DRC3: variants seen among roughly 807,000 people sequenced by gnomAD.
The protein encoded by DRC3 is dynein regulatory complex subunit 3.
A neutral mutation model predicts 57.6 loss-of-function variants in DRC3; 45 were observed. The observed-to-expected ratio is 0.78, with a 90% CI of 0.62 to 1.00. The LOEUF (loss-of-function observed/expected upper bound fraction) is 1.00, where lower values mean the gene tolerates loss of function less well. DRC3 is among the 50% of genes least tolerant of loss of function. The probability of loss-of-function intolerance (pLI) is 0.00; values close to 1 mark genes in which losing one functional copy is unlikely to be tolerated. For missense variants in DRC3, 655 were observed against 675.2 expected, an observed-to-expected ratio of 0.97 and a Z score of 0.33; for synonymous variants, 257 against 272.3, an observed-to-expected ratio of 0.94 and a Z score of 0.55.
chr17:18,006,512 C>T (rs1029936915), intron 11 of DRC3: 8 of 549,058 alleles, frequency 1.5e-5, no homozygotes, highest in Admixed American at 3.1e-5. Flanking sequence ...CAGGCAAGCA[C>T]ACTCTGGGGT....
At chr17:17,975,317 T>G (rs965507139) in intron 2 of DRC3, among the ~76,000 whole-genome samples, 1 of 151,716 alleles carries the variant, frequency 6.6e-6, no homozygotes, top group African/African-American at 2.4e-5. Context: ...GTTCAAGCGA[T>G]TCTCCTGCCT....
At chr17:18,000,823 G>A (rs1226109276) in intron 9 of DRC3, among the ~76,000 whole-genome samples, 1 of 152,048 alleles carries the variant, frequency 6.6e-6, no homozygotes, top group Non-Finnish European at 1.5e-5. Context: ...TTTTTATTCT[G>A]TGAATTATTT....
At chr17:17,973,065 G>T (rs1176819411) in intron 1 of DRC3, 91 bp downstream of exon 1, 1 of 151,720 alleles carries the variant, frequency 6.6e-6, no homozygotes, top group Non-Finnish European at 1.5e-5. Flanking sequence ...CTCGGAGAAC[G>T]CCGGCCCGGC....
In DRC3 at chr17:17,987,912, C is replaced by T. The variant is rs533250677; in HGVS notation, c.278-20C>T. On this transcript the variant is annotated intron_variant, in intron 4 of 13. Transcript: ENST00000399187. ...CCCTGACCCAGGCAGCAGACCCTCA[C>T]AGCCCTCTCTTCTTCCCAGATCTGT... 2.0e-5 allele frequency: 33 copies of T among 1,611,864 alleles called. No homozygotes were observed. The South Asian group carries it at 3.2e-4, about 16-fold the overall frequency.
chr17:17,994,218 A>G, intron 6 of DRC3, 81 bp from the exon 7 acceptor site: 2 of 1,523,212 alleles, frequency 1.3e-6, no homozygotes, highest in Admixed American at 2.0e-5. Flanking sequence ...GGGAGGCTGC[A>G]GCATGGCAGA....
Position 18,016,765 on chromosome 17 carries a change from T to G in DRC3, c.*94T>G. On this transcript the variant is annotated 3_prime_UTR_variant, in exon 14 of 14. Transcript: ENST00000399187. ...CGCCTCACCCGCACCTCTAGAGAGT[T>G]GCTGGGCATCTCTCAACCGCGATCC... 1.4e-6 allele frequency: 1 copy of G among 704,482 alleles called. No individual in the cohort carries two copies. The highest frequency in any genetic ancestry group is 2.4e-6 in the Non-Finnish European group (1 of 419,794). The allele number at this position is 704,482 out of a possible 1,614,324, so 43.6% of individuals were successfully genotyped here.
intron 1 of DRC3, 173 bp downstream of exon 1, chr17:17,973,147 A>C: frequency 6.6e-6 from 1 of 151,424 alleles, no homozygotes; most frequent in Non-Finnish European, 1.5e-5. Flanking sequence ...CAGCCAAGAC[A>C]CTTTAGTCCT....
At chr17:17,990,453 A>G (rs2043176777) in intron 5 of DRC3, among the ~76,000 whole-genome samples, 1 of 152,200 alleles carries the variant, frequency 6.6e-6, no homozygotes, top group African/African-American at 2.4e-5. Flanking sequence ...GCCTTTGCTC[A>G]GTGCCTGGCA....
chr17:18,016,292 T>C, intron 13 of DRC3, 97 bp downstream of exon 13: 1 of 1,296,822 alleles, frequency 7.7e-7, no homozygotes, highest in Non-Finnish European at 1.1e-6. Flanking sequence ...CATTAAGGAA[T>C]GAAATGAAGG....
In DRC3 at chr17:18,008,210, T is replaced by A. The variant is rs1277128500; in HGVS notation, c.1326+1063T>A. On this transcript the variant is annotated intron_variant, in intron 12 of 13. Coordinates refer to ENST00000399187, the MANE Select transcript of DRC3 (RefSeq NM_031294.4). The surrounding 1 kb of genome is among the most constrained non-coding windows in gnomAD (Gnocchi z 4.3). Reference sequence around the variant, plus strand: ...CAGACACGCTCTTCCTAGGTCCCCATGTGCCTGGCTTGTCCTTGTCATTCA... The same window carrying A: ...CAGACACGCTCTTCCTAGGTCCCCAAGTGCCTGGCTTGTCCTTGTCATTCA... Among the ~76,000 whole-genome samples the A allele has an allele frequency of 2.0e-5, 3 of 152,206 alleles. No individual in the cohort carries two copies. The highest frequency in any genetic ancestry group is 4.4e-5 in the Non-Finnish European group (3 of 68,038).
At chr17:17,996,405 A>C (rs1256704569) in intron 8 of DRC3, among the ~76,000 whole-genome samples, 1 of 152,236 alleles carries the variant, frequency 6.6e-6, no homozygotes, top group Non-Finnish European at 1.5e-5. Flanking sequence ...GTCACATCTT[A>C]CATGGGCAGT....
At chr17:17,992,121 A>G in intron 5 of DRC3, among the ~76,000 whole-genome samples, 1 of 151,918 alleles carries the variant, frequency 6.6e-6, no homozygotes, top group East Asian at 1.9e-4. Flanking sequence ...CTACAAACAC[A>G]AAAATTAGCC....
chr17:18,001,502 C>CA lies in DRC3; in HGVS notation c.1000-2854dup, dbSNP rs566467543. On this transcript the variant is annotated intron_variant, in intron 9 of 13. Transcript: ENST00000399187. ...TGGGCAATAGAGTGAGAGTCTGTCT[C>CA]AAAAAAAGAAAAAAAATGTTATTAC... 5.0e-4 allele frequency among the ~76,000 whole-genome samples: 76 copies of CA among 151,076 alleles called. 1 individual carries two copies. In the East Asian group the frequency reaches 0.013, roughly 25 times the overall value.
chr17:18,000,935 C>T (rs2043704131), intron 9 of DRC3, among the ~76,000 whole-genome samples: 1 of 152,054 alleles, frequency 6.6e-6, no homozygotes, highest in African/African-American at 2.4e-5. Flanking sequence ...GGGTCTAACT[C>T]CATTGCCCAG....
chr17:17,997,404 G>A (rs188355409), intron 8 of DRC3, 56 bp from the exon 9 acceptor site: 321 of 1,567,872 alleles, frequency 2.0e-4, no homozygotes, highest in Non-Finnish European at 2.5e-4. Flanking sequence ...CACCTTGGCC[G>A]TGCCCTCCGC....
intron 4 of DRC3, among the ~76,000 whole-genome samples, chr17:17,986,782 GT>G (rs1174669863): frequency 1.3e-5 from 2 of 151,202 alleles, no homozygotes; most frequent in Non-Finnish European, 2.9e-5. Context: ...CCTTTTAAAT[GT>G]GATCACCCTG....
chr17:17,998,067 A>C (rs1054239252), intron 9 of DRC3, among the ~76,000 whole-genome samples: 4 of 152,182 alleles, frequency 2.6e-5, no homozygotes, highest in African/African-American at 9.7e-5. Context: ...CTAGAGCCAC[A>C]CTGGACATGG....
At chr17:17,989,229 A>G (rs369574273) in intron 5 of DRC3, among the ~76,000 whole-genome samples, 1 of 152,152 alleles carries the variant, frequency 6.6e-6, no homozygotes, top group Non-Finnish European at 1.5e-5. Context: ...AAGTTGGGAA[A>G]GCCTGGCCGC....
intron 1 of DRC3, among the ~76,000 whole-genome samples, chr17:17,973,371 C>T (rs968326899): frequency 2.0e-5 from 3 of 152,050 alleles, no homozygotes; most frequent in Non-Finnish European, 2.9e-5. Context: ...CTGTATATAC[C>T]GCTTTGGATG....
Sources: allele counts gnomAD v4.1 joint callset (sites outside exome capture counted in the v4.1 genomes callset), GRCh38; gene constraint gnomAD v4.1.1; non-coding constraint Gnocchi (gnomAD v3.1); transcripts MANE v1.5; gene names NCBI Gene and HGNC (gene_info 2026-07-23, HGNC 2026-07-21).